The following ACSF2 variants were observed in gnomAD, a reference collection of about 807,000 sequenced individuals.
The protein encoded by ACSF2 is acyl-CoA synthetase family member 2.
In ACSF2, 52 loss-of-function variants were observed where a neutral mutation model predicts 79.3. The ratio of observed to expected loss-of-function variants is 0.66; its 90% CI spans 0.53 to 0.83. The LOEUF (loss-of-function observed/expected upper bound fraction) is 0.83. Ranked by LOEUF, ACSF2 falls within the 40% of genes least tolerant of loss-of-function variation. The pLI is 0.00. For synonymous variants in ACSF2, 283 were observed against 312.6 expected (o/e 0.91, Z 1.00); for missense variants, 661 against 803.3 (o/e 0.82, Z 2.14).
At chr17:50,449,603 A>G (rs1165123343) in intron 1 of ACSF2, among the ~76,000 whole-genome samples, 1 of 149,546 alleles carries the variant, frequency 6.7e-6, no homozygotes, top group Non-Finnish European at 1.5e-5. Context: ...TTTAGTAGAA[A>G]CGGGATTTCA....
At chr17:50,465,272 G>A (rs919625906) in intron 10 of ACSF2, 1 of 1,613,866 alleles carries the variant, frequency 6.2e-7, no homozygotes, top group African/African-American at 1.3e-5. Context: ...GGACATAGGG[G>A]ACCTGTTTAC....
intron 1 of ACSF2, among the ~76,000 whole-genome samples, chr17:50,432,555 C>T (rs1324529141): frequency 6.6e-6 from 1 of 152,224 alleles, no homozygotes; most frequent in Non-Finnish European, 1.5e-5. Context: ...AACAGGCCAA[C>T]ATGCAGGCTG....
intron 1 of ACSF2, among the ~76,000 whole-genome samples, chr17:50,457,977 A>G (rs138531453): frequency 1.3e-5 from 2 of 152,194 alleles, no homozygotes; most frequent in Non-Finnish European, 2.9e-5. Flanking sequence ...GAAGCTCTGC[A>G]ATGAGTAGGC....
At chr17:50,465,357 C>T (rs1368815201) in intron 10 of ACSF2, 2 of 1,614,072 alleles carry the variant, frequency 1.2e-6, no homozygotes, top group South Asian at 2.2e-5. Context: ...CGGAAGGCGT[C>T]CGTGTCACGG....
At chr17:50,451,552 C>A (rs1377861474) in intron 1 of ACSF2, among the ~76,000 whole-genome samples, 1 of 152,148 alleles carries the variant, frequency 6.6e-6, no homozygotes, top group Non-Finnish European at 1.5e-5. Context: ...CAGGTTCAAG[C>A]GATTCTCCTG....
rs184584933 is a variant in ACSF2, at chr17:50,469,219, G to A, written c.1216-1809G>A. Among the ~76,000 whole-genome samples the A allele has an allele frequency of 6.8e-4, 103 of 152,350 alleles. 1 individual carries two copies. The highest frequency in any genetic ancestry group is 3.4e-3 in the Middle Eastern group (1 of 292). On this transcript the variant is annotated intron_variant, in intron 10 of 15. Transcript: ENST00000300441. ...GAGTTTACATCGGAGAGAGGGAGGC[G>A]TTCCCTCAACTTATTTGTTTGCTCA... is the stretch of plus-strand genomic sequence containing the variant.
intron 1 of ACSF2, among the ~76,000 whole-genome samples, chr17:50,446,227 T>C (rs1442692683): frequency 2.0e-5 from 3 of 152,220 alleles, no homozygotes; most frequent in Non-Finnish European, 4.4e-5. Context: ...TATGACTACA[T>C]TGGCAGTAGC....
chr17:50,431,561 C>G (rs2029927032), intron 1 of ACSF2, among the ~76,000 whole-genome samples: 1 of 152,232 alleles, frequency 6.6e-6, no homozygotes, highest in South Asian at 2.1e-4. Flanking sequence ...CTGGTGCCAT[C>G]ATAGCTTGCT....
chr17:50,459,757 T>G (rs1208647857), intron 1 of ACSF2, among the ~76,000 whole-genome samples: 2 of 152,116 alleles, frequency 1.3e-5, no homozygotes, highest in Non-Finnish European at 2.9e-5. Flanking sequence ...CCAGACCTGT[T>G]TCCACCTGTG....
intron 1 of ACSF2, among the ~76,000 whole-genome samples, chr17:50,446,969 T>C (rs2031343145): frequency 6.6e-6 from 1 of 152,238 alleles, no homozygotes; most frequent in Non-Finnish European, 1.5e-5. Context: ...AGCACATGTT[T>C]GATTTCTATT....
chr17:50,461,367 T>G lies in ACSF2; in HGVS notation c.450T>G (p.Ile150Met). Reference sequence around the variant, plus strand: ...TGGCCACCGCCCAGGCGGGCATCATTCTGGTGAGGAGGGGCTTGCTTGGCA... The same window carrying G: ...TGGCCACCGCCCAGGCGGGCATCATGCTGGTGAGGAGGGGCTTGCTTGGCA... ...MQLATAQAGI[I>M]LVSVNPAYQA... is the part of the protein sequence containing the mutation. Residue 150 changes from isoleucine (I) to methionine (M), a missense_variant, in exon 3 of 16, where the codon ATT (isoleucine) becomes ATG (methionine). Transcript: ENST00000300441. 2 of 1,614,036 alleles carry G rather than the reference T, an allele frequency of 1.2e-6. No individual in the cohort carries two copies. Among genetic ancestry groups the G allele is most frequent in the Non-Finnish European group, 1.7e-6 (2 of 1,179,984 alleles).
At chr17:50,466,358 G>A (rs1239518922) in intron 10 of ACSF2, among the ~76,000 whole-genome samples, 1 of 152,146 alleles carries the variant, frequency 6.6e-6, no homozygotes, top group Non-Finnish European at 1.5e-5. Context: ...CAAAGTGCTG[G>A]GATTACAGGC....
chr17:50,428,452 C>G (rs994247750), intron 1 of ACSF2, among the ~76,000 whole-genome samples: 3 of 148,744 alleles, frequency 2.0e-5, no homozygotes, highest in Non-Finnish European at 4.5e-5. Flanking sequence ...TGCACTCCAG[C>G]CTGGGTGACA....
At chr17:50,473,594 G>A in intron 12 of ACSF2, 71 bp from the exon 13 acceptor site, 1 of 1,603,588 alleles carries the variant, frequency 6.2e-7, no homozygotes, top group East Asian at 2.2e-5. Flanking sequence ...GTCAATAAAT[G>A]TTTCACGACT....
At chr17:50,439,660 A>G (rs921246526) in intron 1 of ACSF2, among the ~76,000 whole-genome samples, 1 of 152,156 alleles carries the variant, frequency 6.6e-6, no homozygotes, top group African/African-American at 2.4e-5. Context: ...CATCCTTGCA[A>G]ATATTTAGCA....
chr17:50,427,497 G>C (rs1204301761), intron 1 of ACSF2, among the ~76,000 whole-genome samples: 1 of 152,030 alleles, frequency 6.6e-6, no homozygotes, highest in Non-Finnish European at 1.5e-5. Context: ...TCTTCCCAGT[G>C]ACCCTGGGAA....
intron 1 of ACSF2, among the ~76,000 whole-genome samples, chr17:50,447,433 G>A (rs993367814): frequency 6.6e-6 from 1 of 151,844 alleles, no homozygotes. Flanking sequence ...CCAGCTACTC[G>A]GGGGGTGCTG....
intron 10 of ACSF2, chr17:50,468,459 A>C: frequency 6.8e-6 from 11 of 1,614,268 alleles, no homozygotes; most frequent in Non-Finnish European, 8.5e-6. Flanking sequence ...AGGTCGTCGA[A>C]GGCACCTGCG....
chr17:50,430,353 A>G (rs1426843899), intron 1 of ACSF2, among the ~76,000 whole-genome samples: 1 of 152,208 alleles, frequency 6.6e-6, no homozygotes, highest in Non-Finnish European at 1.5e-5. Flanking sequence ...TCTGATGAGC[A>G]GCAGTTACAA....
Sources: gnomAD v4.1 joint callset for allele counts (sites outside exome capture counted in the v4.1 genomes callset) on GRCh38, gnomAD v4.1.1 for gene constraint, MANE v1.5 for transcripts, NCBI Gene and HGNC (gene_info 2026-07-23, HGNC 2026-07-21) for gene names.